ACTL8: variants seen among roughly 807,000 people sequenced by gnomAD.
ACTL8 encodes the protein actin like 8.
In ACTL8, 3 loss-of-function variants were observed where a neutral mutation model predicts 9.3. The observed-to-expected ratio is 0.32, with a 90% CI of 0.15 to 0.83. The LOEUF (loss-of-function observed/expected upper bound fraction) is 0.83. ACTL8 is among the 40% of genes least tolerant of loss of function. ACTL8 has a pLI of 0.57. For missense variants in ACTL8, 381 were observed against 492.2 expected (o/e 0.77, Z 2.14); for synonymous variants, 224 against 205.9 (o/e 1.09, Z -0.75).
intron 1 of ACTL8, among the ~76,000 whole-genome samples, chr1:17,768,158 G>A (rs1023505186): frequency 2.8e-5 from 4 of 141,524 alleles, no homozygotes; most frequent in Admixed American, 7.1e-5. Context: ...AACTCTGGTT[G>A]GGAATAGGGT....
Position 17,826,093 on chromosome 1 carries a change from T to A in ACTL8, c.675T>A (p.Arg225=). The part of the protein sequence containing the change: ...PQNLGEALDF[R]ERQQSALDES... ...ATCTGGGGGAGGCCCTGGACTTTCG[T>A]GAGAGGCAGCAGAGTGCCTTGGATG... is the stretch of plus-strand genomic sequence containing the variant. The change falls in exon 3 of 3, where the codon CGT becomes CGA. Residue 225 remains arginine (R), a synonymous_variant. Transcript: ENST00000375406. This position sits in a 1 kb window ranked among gnomAD's most constrained non-coding sequence, Gnocchi z 4.5. 3 of 1,608,948 alleles carry A rather than the reference T, an allele frequency of 1.9e-6. No individual in the cohort carries two copies. Among genetic ancestry groups the A allele is most frequent in the Non-Finnish European group, 2.5e-6 (3 of 1,179,530 alleles).
chr1:17,759,795 G>A (rs949660344), intron 1 of ACTL8, among the ~76,000 whole-genome samples: 2 of 152,174 alleles, frequency 1.3e-5, no homozygotes, highest in African/African-American at 2.4e-5. Flanking sequence ...TCAGCACTGG[G>A]TGGGGTGGGG....
chr1:17,770,255 C>T (rs1006336431), intron 1 of ACTL8, among the ~76,000 whole-genome samples: 1 of 152,208 alleles, frequency 6.6e-6, no homozygotes, highest in Non-Finnish European at 1.5e-5. Context: ...TCTGTGGCAA[C>T]AGAGTATGCT....
intron 1 of ACTL8, among the ~76,000 whole-genome samples, chr1:17,814,555 C>G (rs2066413006): frequency 6.6e-6 from 1 of 152,028 alleles, no homozygotes; most frequent in African/African-American, 2.4e-5. Context: ...CAAGACAATA[C>G]ATACCATTAT....
intron 1 of ACTL8, among the ~76,000 whole-genome samples, chr1:17,778,814 GGAT>G (rs2066133793): frequency 6.6e-6 from 1 of 152,116 alleles, no homozygotes; most frequent in Non-Finnish European, 1.5e-5. Flanking sequence ...CTGAGCTCAG[GGAT>G]GATGAGTCCT....
rs3795323 is a variant in ACTL8, at chr1:17,826,736, C to T, written c.*217C>T. The T allele has an allele frequency of 4.8e-3, 2,051 of 431,314 alleles. 38 individuals are homozygous for T. Among genetic ancestry groups the T allele is most frequent in the East Asian group, 0.046 (1,279 of 27,996 alleles). The allele number at this position is 431,314 out of a possible 1,614,324, so 26.7% of individuals were successfully genotyped here. A position where few individuals can be genotyped will look rare whatever the true frequency, so the allele number is the denominator to read the frequency against. ...GAAGACAAGATGTCATCCTTGGAAA[C>T]CCTGCAGGGGACAGTTTTTCCAGGG... is the stretch of plus-strand genomic sequence containing the variant. On this transcript the variant is annotated 3_prime_UTR_variant, in exon 3 of 3. Coordinates refer to ENST00000375406, the MANE Select transcript of ACTL8 (RefSeq NM_030812.3). The surrounding 1 kb of genome is among the most constrained non-coding windows in gnomAD (Gnocchi z 4.5).
chr1:17,784,392 GA>G (rs551735458), intron 1 of ACTL8, among the ~76,000 whole-genome samples: 175 of 152,282 alleles, frequency 1.1e-3, no homozygotes, highest in Non-Finnish European at 2.0e-3. Context: ...ATTTGGGTGG[GA>G]CACAGAGCCA....
rs573683273 is a variant in ACTL8 at position 17,776,666 on chromosome 1, A to G, written c.-25+21162A>G. On this transcript the variant is annotated intron_variant, in intron 1 of 2. Coordinates refer to ENST00000375406, the MANE Select transcript of ACTL8 (RefSeq NM_030812.3). ...GTCAGTGGCCATCTGCAAACTTGGCAGTGTCACATACGTTCCTGTACCCAG... is the reference window on the plus strand; with the variant it reads ...GTCAGTGGCCATCTGCAAACTTGGCGGTGTCACATACGTTCCTGTACCCAG... Among the ~76,000 whole-genome samples, 13 of 152,280 alleles carry G rather than the reference A, an allele frequency of 8.5e-5. No individual in the cohort carries two copies. The South Asian group carries it at 2.5e-3, about 29-fold the overall frequency.
chr1:17,786,666 A>T (rs1475742076), intron 1 of ACTL8, among the ~76,000 whole-genome samples: 4 of 152,156 alleles, frequency 2.6e-5, no homozygotes, highest in Non-Finnish European at 5.9e-5. Context: ...CTTTACGTAC[A>T]TATGCAAATG....
At chr1:17,815,167 G>T (rs182061455) in intron 1 of ACTL8, among the ~76,000 whole-genome samples, 8 of 152,308 alleles carry the variant, frequency 5.3e-5, no homozygotes, top group African/African-American at 1.4e-4. Flanking sequence ...TAAGTAGTAG[G>T]CTATACCATA....
rs370525745 is a variant in ACTL8, at chr1:17,791,293, G to T, written c.-24-31692G>T. 2.0e-5 allele frequency among the ~76,000 whole-genome samples: 3 copies of T among 152,292 alleles called. No individual in the cohort carries two copies. In the East Asian group the frequency reaches 5.8e-4, roughly 30 times the overall value. On this transcript the variant is annotated intron_variant, in intron 1 of 2. Transcript: ENST00000375406. The stretch of plus-strand genomic sequence containing the variant: ...CACGCCTCCCTGCTGCAGCAGGCGT[G>T]ATGGCAGCAGCTGCTTCAGATGGCT...
intron 1 of ACTL8, among the ~76,000 whole-genome samples, chr1:17,770,906 C>G (rs2066078354): frequency 6.6e-6 from 1 of 152,074 alleles, no homozygotes; most frequent in Non-Finnish European, 1.5e-5. Flanking sequence ...AGTCAAATGC[C>G]TGGGTTTGGA....
chr1:17,762,797 C>T (rs557497346), intron 1 of ACTL8, among the ~76,000 whole-genome samples: 299 of 152,270 alleles, frequency 2.0e-3, no homozygotes, highest in African/African-American at 6.6e-3. Context: ...CCGGTGACTC[C>T]TGAGCTGTGG....
At position 17,759,713 on chromosome 1, in the gene ACTL8, C is replaced by G. The variant is rs187840577; in HGVS notation, c.-25+4209C>G. Among the ~76,000 whole-genome samples, 369 of 152,252 alleles carry G rather than the reference C, an allele frequency of 2.4e-3. 2 individuals carry two copies. The highest frequency in any genetic ancestry group is 2.2e-3 in the Non-Finnish European group (152 of 68,018). ...GTTCTTTAGGGGCTCTGCCATAACG[C>G]TGGAGTAGAAGCCTCTTCCTTGAGG... On this transcript the variant is annotated intron_variant, in intron 1 of 2. Coordinates refer to ENST00000375406, the MANE Select transcript of ACTL8 (RefSeq NM_030812.3).
In ACTL8 at chr1:17,799,017, C is replaced by G. The variant is rs114109156; in HGVS notation, c.-24-23968C>G. Among the ~76,000 whole-genome samples the G allele has an allele frequency of 5.4e-3, 826 of 152,276 alleles. 10 individuals carry two copies. Among genetic ancestry groups the G allele is most frequent in the African/African-American group, 0.018 (765 of 41,562 alleles). On this transcript the variant is annotated intron_variant, in intron 1 of 2. Coordinates refer to ENST00000375406, the MANE Select transcript of ACTL8 (RefSeq NM_030812.3). ...CTCCACGGATGCATTCCTGGCTCAG[C>G]CTCTCCCTAAGCGATGCCCACTTTG... is the stretch of plus-strand genomic sequence containing the variant.
At chr1:17,819,442 G>A (rs1031799183) in intron 1 of ACTL8, among the ~76,000 whole-genome samples, 1 of 152,162 alleles carries the variant, frequency 6.6e-6, no homozygotes, top group Non-Finnish European at 1.5e-5. Context: ...CCCTGCAGCC[G>A]GTGACAGCAG....
At chr1:17,821,808 T>G (rs1247244167) in intron 1 of ACTL8, among the ~76,000 whole-genome samples, 3 of 152,172 alleles carry the variant, frequency 2.0e-5, no homozygotes, top group Non-Finnish European at 4.4e-5. Context: ...GTACTTCTAG[T>G]AGAGATGGGG....
chr1:17,800,369 T>G (rs893740512), intron 1 of ACTL8, among the ~76,000 whole-genome samples: 2 of 152,202 alleles, frequency 1.3e-5, no homozygotes, highest in Non-Finnish European at 2.9e-5. Context: ...AAAAGAATGC[T>G]GTTAATTTTT....
chr1:17,778,912 G>A (rs1261097392), intron 1 of ACTL8, among the ~76,000 whole-genome samples: 1 of 152,184 alleles, frequency 6.6e-6, no homozygotes, highest in East Asian at 1.9e-4. Context: ...AGTGGCCAGT[G>A]TGGGAATGAT....
Sources: allele counts gnomAD v4.1 joint callset (sites outside exome capture counted in the v4.1 genomes callset), GRCh38; gene constraint gnomAD v4.1.1; non-coding constraint Gnocchi (gnomAD v3.1); transcripts MANE v1.5; gene names NCBI Gene and HGNC (gene_info 2026-07-23, HGNC 2026-07-21).